PDE8B: variants seen among roughly 807,000 people sequenced by gnomAD.
PDE8B encodes the protein phosphodiesterase 8B.
Under a neutral mutation model 101.3 loss-of-function variants are expected in PDE8B, and 26 were observed. The ratio of observed to expected loss-of-function variants is 0.26; its 90% CI spans 0.19 to 0.36. The LOEUF (loss-of-function observed/expected upper bound fraction) is 0.36, where lower values mean the gene tolerates loss of function less well. PDE8B is among the 10% of genes least tolerant of loss of function. The pLI is 1.00. For synonymous variants in PDE8B, 424 were observed against 429.3 expected, an observed-to-expected ratio of 0.99 and a Z score of 0.15; for missense variants, 810 against 1,163.1, an observed-to-expected ratio of 0.70 and a Z score of 4.42.
intron 10 of PDE8B, among the ~76,000 whole-genome samples, chr5:77,390,869 G>C (rs1189494234): frequency 6.6e-6 from 1 of 152,162 alleles, no homozygotes; most frequent in East Asian, 1.9e-4. Flanking sequence ...TGTGTGGCTT[G>C]GGCAAGTTTC....
chr5:77,287,416 A>G (rs1379922868), intron 1 of PDE8B, among the ~76,000 whole-genome samples: 1 of 151,236 alleles, frequency 6.6e-6, no homozygotes, highest in Non-Finnish European at 1.5e-5. Flanking sequence ...TTCTTCTTTA[A>G]TGCACTTAGG....
intron 2 of PDE8B, among the ~76,000 whole-genome samples, chr5:77,314,438 G>A (rs1411949271): frequency 6.6e-6 from 1 of 151,948 alleles, no homozygotes; most frequent in Non-Finnish European, 1.5e-5. Context: ...GAGCTAGCTG[G>A]GATTTTGATA....
At chr5:77,089,795 G>A in the PDE8B span, among the ~76,000 whole-genome samples, 1 of 152,148 alleles carries the variant, frequency 6.6e-6, no homozygotes, top group African/African-American at 2.4e-5. Flanking sequence ...TCCACCACTG[G>A]TTATTTATCC....
At chr5:77,306,781 C>G (rs1771318322) in intron 1 of PDE8B, among the ~76,000 whole-genome samples, 2 of 152,202 alleles carry the variant, frequency 1.3e-5, no homozygotes, top group African/African-American at 4.8e-5. Flanking sequence ...CTTGATTTCT[C>G]TCGTGAGTTT....
intron 1 of PDE8B, among the ~76,000 whole-genome samples, chr5:77,243,501 C>T (rs943986577): frequency 2.0e-5 from 3 of 152,198 alleles, no homozygotes; most frequent in African/African-American, 4.8e-5. Context: ...CACCTGTTTA[C>T]AGTTGAGCCT....
At chr5:77,101,992 T>C in the PDE8B span, among the ~76,000 whole-genome samples, 1 of 152,292 alleles carries the variant, frequency 6.6e-6, no homozygotes, top group Admixed American at 6.5e-5. Context: ...GCCACCAAAT[T>C]GTCCACCTAA....
At chr5:77,293,590 C>G (rs926782160) in intron 1 of PDE8B, among the ~76,000 whole-genome samples, 4 of 152,214 alleles carry the variant, frequency 2.6e-5, no homozygotes, top group South Asian at 2.1e-4. Flanking sequence ...AAATCCAAGT[C>G]TAGCCATTTA....
chr5:77,370,993 A>T (rs1358886813), intron 10 of PDE8B, among the ~76,000 whole-genome samples: 1 of 152,120 alleles, frequency 6.6e-6, no homozygotes, highest in Non-Finnish European at 1.5e-5. Context: ...GGGTTGTTTT[A>T]TTATTGAGTT....
chr5:77,343,267 A>G (rs921780927), intron 6 of PDE8B, among the ~76,000 whole-genome samples: 4 of 152,222 alleles, frequency 2.6e-5, no homozygotes, highest in Non-Finnish European at 5.9e-5. Flanking sequence ...TGATGGGGAT[A>G]TGTTCTGAGA....
At chr5:77,162,155 A>C in the PDE8B span, among the ~76,000 whole-genome samples, 1 of 152,144 alleles carries the variant, frequency 6.6e-6, no homozygotes, top group Non-Finnish European at 1.5e-5. Context: ...TTGGAAAATA[A>C]AAATTTTTAA....
At chr5:77,311,086 G>C (rs1290503929) in intron 1 of PDE8B, among the ~76,000 whole-genome samples, 2 of 152,152 alleles carry the variant, frequency 1.3e-5, no homozygotes, top group African/African-American at 4.8e-5. Context: ...CTGACAAGGG[G>C]CCAGTACAGA....
the PDE8B span, among the ~76,000 whole-genome samples, chr5:77,181,182 CTCA>C: frequency 1.3e-5 from 2 of 151,894 alleles, no homozygotes; most frequent in Non-Finnish European, 2.9e-5. Context: ...AACCACCCGC[CTCA>C]TCCCCTGTGG....
In PDE8B at chr5:77,328,859, T is replaced by C. The variant is rs1581069489; in HGVS notation, c.591-139T>C. 6.7e-6 allele frequency: 5 copies of C among 743,484 alleles called. No individual in the cohort carries two copies. In the East Asian group the frequency reaches 1.3e-4, roughly 20 times the overall value. 46.1% of individuals were successfully genotyped at this position (743,484 alleles called of 1,614,324 possible). A position where few individuals can be genotyped will look rare whatever the true frequency, so the allele number is the denominator to read the frequency against. ...TAATCCACAAGGGCATCTTTCTTTGTTGTCTTCTCTGTGTTTTGAGACGTT... is the reference window on the plus strand; with the variant it reads ...TAATCCACAAGGGCATCTTTCTTTGCTGTCTTCTCTGTGTTTTGAGACGTT... On this transcript the variant is annotated intron_variant, in intron 3 of 21. Transcript: ENST00000264917.
At chr5:77,365,122 T>G (rs1454713033) in intron 10 of PDE8B, among the ~76,000 whole-genome samples, 1 of 152,034 alleles carries the variant, frequency 6.6e-6, no homozygotes, top group Non-Finnish European at 1.5e-5. Context: ...CTGTGTTCGA[T>G]GAGGAGGAGT....
chr5:77,395,722 TC>T (rs1790899894), intron 10 of PDE8B, among the ~76,000 whole-genome samples: 1 of 151,174 alleles, frequency 6.6e-6, no homozygotes, highest in African/African-American at 2.4e-5. Context: ...CAAAAGTCCC[TC>T]CTACCCCACC....
intron 16 of PDE8B, among the ~76,000 whole-genome samples, chr5:77,412,821 G>C (rs983414733): frequency 6.6e-6 from 1 of 152,138 alleles, no homozygotes; most frequent in African/African-American, 2.4e-5. Context: ...TGGGGATGGA[G>C]AGGGACTGCC....
intron 2 of PDE8B, among the ~76,000 whole-genome samples, chr5:77,322,488 C>T (rs57228491): frequency 6.6e-5 from 10 of 152,308 alleles, no homozygotes; most frequent in East Asian, 1.9e-4. Context: ...AGCCCTCTGC[C>T]GTGAACCTGA....
chr5:77,269,945 G>A (rs1013474235), intron 1 of PDE8B, among the ~76,000 whole-genome samples: 1 of 151,990 alleles, frequency 6.6e-6, no homozygotes, highest in Non-Finnish European at 1.5e-5. Flanking sequence ...GGATAACTTT[G>A]GCTATTCTGG....
chr5:77,154,389 G>A, the PDE8B span, among the ~76,000 whole-genome samples: 7 of 152,196 alleles, frequency 4.6e-5, no homozygotes, highest in Admixed American at 3.9e-4. Flanking sequence ...CTAGCATGGC[G>A]CTTGGCACAG....
Sources: allele counts gnomAD v4.1 joint callset (sites outside exome capture counted in the v4.1 genomes callset), GRCh38; gene constraint gnomAD v4.1.1; transcripts MANE v1.5; gene names NCBI Gene and HGNC (gene_info 2026-07-23, HGNC 2026-07-21).